Variants in NFILZ observed in about 807,000 individuals in gnomAD.
NFILZ encodes NFIL3 like basic leucine zipper.
intron 3 of NFILZ, among the ~76,000 whole-genome samples, chr19:8,650,167 T>C (rs2042959007): frequency 6.6e-6 from 1 of 152,096 alleles, no homozygotes; most frequent in Non-Finnish European, 1.5e-5. Context: ...TGAGGTTTTT[T>C]TTTTTGTGGT....
chr19:8,664,031 T>C (rs2043050134), intron 3 of NFILZ, among the ~76,000 whole-genome samples: 1 of 151,956 alleles, frequency 6.6e-6, no homozygotes, highest in Admixed American at 6.6e-5. Context: ...GACTGTGGGC[T>C]CCAAGACCGA....
intron 3 of NFILZ, among the ~76,000 whole-genome samples, chr19:8,672,611 C>A (rs2043093473): frequency 7.7e-6 from 1 of 129,450 alleles, no homozygotes. Flanking sequence ...AAAATCCATG[C>A]ATTTATTAGT....
chr19:8,680,650 CAAT>C lies in NFILZ; in HGVS notation c.*3016_*3018del, dbSNP rs1307122458. Among the ~76,000 whole-genome samples the C allele has an allele frequency of 1.3e-5, 2 of 151,952 alleles. No individual in the cohort carries two copies. The highest frequency in any genetic ancestry group is 6.6e-5 in the Admixed American group (1 of 15,264). ...AAATAAGAAAAACATATAGTAGGAT[CAAT>C]GATGATACGTGTCATGGAGAAAAAA... On this transcript the variant is annotated 3_prime_UTR_variant, in exon 6 of 6. Transcript: ENST00000691075.
At position 8,656,421 on chromosome 19, in the gene NFILZ, TC is replaced by T. The variant is rs1275715529; in HGVS notation, c.-163-18129del. 1.1e-3 allele frequency among the ~76,000 whole-genome samples: 100 copies of T among 93,210 alleles called. 7 individuals are homozygous for T. Among genetic ancestry groups the T allele is most frequent in the African/African-American group, 2.6e-3 (68 of 26,256 alleles). 61.1% of individuals were successfully genotyped at this position (93,210 alleles called of 152,430 possible). A position where few individuals can be genotyped will look rare whatever the true frequency, so the allele number is the denominator to read the frequency against. On this transcript the variant is annotated intron_variant, in intron 3 of 5. Coordinates refer to ENST00000691075, the MANE Select transcript of NFILZ (RefSeq NM_001378600.1). ...GCCCACCTTCTCTCTGAAACCCACC[TC>T]TTTCCGCAGCCCACCTTCTCCTCGA...
rs2043131809 is a variant in NFILZ, at chr19:8,678,917, G to A, written c.*1282G>A. Among the ~76,000 whole-genome samples the A allele has an allele frequency of 6.6e-6, 1 of 152,204 alleles. No individual in the cohort carries two copies. Among genetic ancestry groups the A allele is most frequent in the Non-Finnish European group, 1.5e-5 (1 of 68,038 alleles). On this transcript the variant is annotated 3_prime_UTR_variant, in exon 6 of 6. Transcript: ENST00000691075. ...GGGTTTCCTGTCCTGGGGTAGGAAT[G>A]GGTGTTTGGGAAGAAACATACTGAA... is the stretch of plus-strand genomic sequence containing the variant.
At chr19:8,662,943 T>C (rs1163002197) in intron 3 of NFILZ, among the ~76,000 whole-genome samples, 2 of 150,838 alleles carry the variant, frequency 1.3e-5, no homozygotes, top group Non-Finnish European at 1.5e-5. Flanking sequence ...TTTTTCTTTT[T>C]CTTTTTCCTT....
chr19:8,667,527 T>A (rs1281482475), intron 3 of NFILZ, among the ~76,000 whole-genome samples: 3 of 152,156 alleles, frequency 2.0e-5, no homozygotes, highest in South Asian at 4.1e-4. Context: ...CCTATGCATA[T>A]CCTCCCAAAT....
rs1555745669 is a variant in NFILZ, at chr19:8,632,556, C to A, written c.-330C>A. On this transcript the variant is annotated 5_prime_UTR_variant, in exon 2 of 6. Coordinates refer to ENST00000691075, the MANE Select transcript of NFILZ (RefSeq NM_001378600.1). ...ATTGTCCTCACTGCTACACTCCCAC[C>A]AGCCCCCTGACGGTTTACAGATGCC... 1 of 152,140 alleles carries A rather than the reference C, an allele frequency of 6.6e-6. No individual in the cohort carries two copies. Among genetic ancestry groups the A allele is most frequent in the African/African-American group, 2.4e-5 (1 of 41,434 alleles). 9.4% of individuals were successfully genotyped at this position (152,140 alleles called of 1,614,324 possible). A position where few individuals can be genotyped will look rare whatever the true frequency, so the allele number is the denominator to read the frequency against.
rs2967677 is a variant in NFILZ, at chr19:8,679,457, C to T, written c.*1822C>T. ...ATCACTTGGACTCAGGAGCATCGCC[C>T]ACCCCCACCAGATCTGGGGGCTGGG... On this transcript the variant is annotated 3_prime_UTR_variant, in exon 6 of 6. Transcript: ENST00000691075. Among the ~76,000 whole-genome samples the T allele has an allele frequency of 0.19, 28,714 of 151,500 alleles. 2,886 individuals carry two copies. Among genetic ancestry groups the T allele is most frequent in the Admixed American group, 0.24 (3,620 of 15,248 alleles).
At chr19:8,664,827 G>A (rs1555749601) in intron 3 of NFILZ, among the ~76,000 whole-genome samples, 1 of 152,102 alleles carries the variant, frequency 6.6e-6, no homozygotes, top group South Asian at 2.1e-4. Flanking sequence ...GGGCAGGAGG[G>A]GTGGAGAAGG....
At chr19:8,633,640 CAG>C (rs1252913602) in intron 2 of NFILZ, among the ~76,000 whole-genome samples, 1 of 152,118 alleles carries the variant, frequency 6.6e-6, no homozygotes, top group Non-Finnish European at 1.5e-5. Context: ...AGGAGCCCTC[CAG>C]CCGCCCTGAG....
intron 3 of NFILZ, among the ~76,000 whole-genome samples, chr19:8,663,738 G>GTGTGTGTATGTGTGTGTA (rs2043045852): frequency 1.3e-4 from 3 of 23,924 alleles, no homozygotes; most frequent in Non-Finnish European, 2.6e-4. Flanking sequence ...GTGTGTGTGT[G>GTGTGTGTATGTGTGTGTA]TGTGTGTGTG....
At chr19:8,650,577 A>G (rs2042960619) in intron 3 of NFILZ, among the ~76,000 whole-genome samples, 1 of 151,474 alleles carries the variant, frequency 6.6e-6, no homozygotes, top group African/African-American at 2.4e-5. Flanking sequence ...TTGCTTGAAC[A>G]TGGGAGGCGG....
rs541950487 is a variant in NFILZ at position 8,679,909 on chromosome 19, T to A, written c.*2274T>A. Among the ~76,000 whole-genome samples, 1 of 152,242 alleles carries A rather than the reference T, an allele frequency of 6.6e-6. No homozygotes were observed. The highest frequency in any genetic ancestry group is 2.1e-4 in the South Asian group (1 of 4,818). ...GTTTTATCTTCATAAATAATGTGAA[T>A]CCTGGAGGGCAAGGTGGCTCATGCC... On this transcript the variant is annotated 3_prime_UTR_variant, in exon 6 of 6. Transcript: ENST00000691075.
chr19:8,636,947 G>T (rs1555746166), intron 3 of NFILZ, among the ~76,000 whole-genome samples: 1 of 152,138 alleles, frequency 6.6e-6, no homozygotes, highest in Non-Finnish European at 1.5e-5. Context: ...ATACTGGAGG[G>T]GGACAGTCAG....
At chr19:8,672,620 G>A (rs929190164) in intron 3 of NFILZ, among the ~76,000 whole-genome samples, 49 of 103,578 alleles carry the variant, frequency 4.7e-4, no homozygotes, top group African/African-American at 2.0e-3. Context: ...GCATTTATTA[G>A]TTTATTCAAA....
intron 3 of NFILZ, among the ~76,000 whole-genome samples, chr19:8,636,982 G>T (rs1376630764): frequency 2.0e-5 from 3 of 152,162 alleles, no homozygotes; most frequent in African/African-American, 7.2e-5. Context: ...CCAAGGGGAA[G>T]ATATAGAAGT....
chr19:8,673,265 T>G (rs2043096325), intron 3 of NFILZ, among the ~76,000 whole-genome samples: 1 of 152,142 alleles, frequency 6.6e-6, no homozygotes, highest in African/African-American at 2.4e-5. Flanking sequence ...TAAGTGGGGA[T>G]GATATGCTCC....
At chr19:8,668,853 C>T (rs781985390) in intron 3 of NFILZ, among the ~76,000 whole-genome samples, 16 of 152,150 alleles carry the variant, frequency 1.1e-4, no homozygotes, top group Non-Finnish European at 1.8e-4. Flanking sequence ...CATCTGTAAA[C>T]AGATACAGTT....
Sources: allele counts gnomAD v4.1 joint callset (sites outside exome capture counted in the v4.1 genomes callset), GRCh38; gene constraint gnomAD v4.1.1; transcripts MANE v1.5; gene names NCBI Gene and HGNC (gene_info 2026-07-23, HGNC 2026-07-21).